Variants in AP3B2 observed in about 807,000 individuals in gnomAD.
The protein encoded by AP3B2 is adaptor related protein complex 3 subunit beta 2.
A neutral mutation model predicts 126.9 loss-of-function variants in AP3B2; 50 were observed. The observed-to-expected ratio is 0.39, with a 90% CI of 0.31 to 0.50. The LOEUF (loss-of-function observed/expected upper bound fraction) is 0.50. Among genes scored for constraint, AP3B2 ranks in the 20% least tolerant of loss-of-function variants. AP3B2 has a pLI of 0.79. For missense variants in AP3B2, 1,177 were observed against 1,426.4 expected, an observed-to-expected ratio of 0.83 and a Z score of 2.82; for synonymous variants, 541 against 565.0, an observed-to-expected ratio of 0.96 and a Z score of 0.60.
Position 82,659,640 on chromosome 15 carries a change from C to G in AP3B2, c.3226G>C (p.Ala1076Pro), listed in dbSNP as rs764429707. 63 of 1,613,796 alleles carry G rather than the reference C, an allele frequency of 3.9e-5. No individual in the cohort carries two copies. The highest frequency in any genetic ancestry group is 5.2e-5 in the Non-Finnish European group (61 of 1,179,878). The stretch of plus-strand genomic sequence containing the variant: ...TTCTCGCTGTTGACAGTCAGCTGGG[C>G]AGCTCCAGCTGGCCGGGCATCCAGG... Reference protein sequence around the residue: ...LTLDARPAGAAQLTVNSEKMV... With the variant: ...LTLDARPAGAPQLTVNSEKMV... Residue 1076 changes from alanine to proline, a missense_variant, in exon 27 of 27, where the codon GCC (alanine) becomes CCC (proline). By Grantham distance (27) the Ala-to-Pro change is conservative. This residue lies in a region of AP3B2 where 587 missense variants were observed against 571.3 expected (regional missense o/e 1.03). Transcript: ENST00000535359.
Position 82,661,938 on chromosome 15 carries a change from G to T in AP3B2, c.2919-16C>A, listed in dbSNP as rs757887986. On this transcript the variant is annotated splice_polypyrimidine_tract_variant and intron_variant, in intron 24 of 26. Coordinates refer to ENST00000535359, the MANE Select transcript of AP3B2 (RefSeq NM_001278512.2). ...GGTCTGGGTGCTGGGAGGGGTGGGA[G>T]GAAACGGAGAAGAATTAAGGCTGTC... 1 of 1,607,762 alleles carries T rather than the reference G, an allele frequency of 6.2e-7. No homozygotes were observed. The highest frequency in any genetic ancestry group is 8.5e-7 in the Non-Finnish European group (1 of 1,174,976).
In AP3B2 at chr15:82,709,765, C is replaced by T. The variant is rs1357498553; in HGVS notation, c.-59G>A. 3.7e-6 allele frequency: 5 copies of T among 1,361,554 alleles called. No homozygotes were observed. The Admixed American group carries it at 1.3e-4, about 36-fold the overall frequency. 84.3% of individuals were successfully genotyped at this position (1,361,554 alleles called of 1,614,324 possible). On this transcript the variant is annotated 5_prime_UTR_variant, in exon 1 of 27. Coordinates refer to ENST00000535359, the MANE Select transcript of AP3B2 (RefSeq NM_001278512.2). Reference sequence around the variant, plus strand: ...TTGCGGGGCCGGAGGCCGGCTGGAGCGGAGGAAGGGAAGGCGGGCCGGTCC... The same window carrying T: ...TTGCGGGGCCGGAGGCCGGCTGGAGTGGAGGAAGGGAAGGCGGGCCGGTCC...
chr15:82,688,404 G>C lies in AP3B2; in HGVS notation c.360+332C>G, dbSNP rs148128981. ...CCACAATTCACACCTTTACACAAAG[G>C]GGGGTGAGGGTTGAGGGGTTCTCCA... On this transcript the variant is annotated intron_variant, in intron 4 of 26. Coordinates refer to ENST00000535359, the MANE Select transcript of AP3B2 (RefSeq NM_001278512.2). 2,291 of 702,186 alleles carry C rather than the reference G, an allele frequency of 3.3e-3. 41 individuals carry two copies. In the East Asian group the frequency reaches 0.037, roughly 11 times the overall value. The allele number at this position is 702,186 out of a possible 1,614,324, so 43.5% of individuals were successfully genotyped here.
chr15:82,683,942 G>C (rs2048385598), intron 4 of AP3B2, among the ~76,000 whole-genome samples: 1 of 152,196 alleles, frequency 6.6e-6, no homozygotes, highest in Non-Finnish European at 1.5e-5. Context: ...TTAAGCGGTA[G>C]GTATCAACAG....
intron 14 of AP3B2, among the ~76,000 whole-genome samples, chr15:82,668,402 T>C (rs2048093722): frequency 6.6e-6 from 1 of 152,214 alleles, no homozygotes; most frequent in Non-Finnish European, 1.5e-5. Context: ...AGACACCATC[T>C]AAATGGCCAG....
chr15:82,676,512 C>G lies in AP3B2; in HGVS notation c.1614G>C (p.Lys538Asn). The G allele has an allele frequency of 6.2e-7, 1 of 1,614,010 alleles. No individual in the cohort carries two copies. The highest frequency in any genetic ancestry group is 8.5e-7 in the Non-Finnish European group (1 of 1,179,900). Reference sequence around the variant, plus strand: ...TGGCTGCCAGGTTGATGACCTGCAGCTTGACAATATCCTCCTCTGCTGTGA... The same window carrying G: ...TGGCTGCCAGGTTGATGACCTGCAGGTTGACAATATCCTCCTCTGCTGTGA... ...KSFTAEEDIV[K>N]LQVINLAAKL... Residue 538 changes from lysine to asparagine, a missense_variant, in exon 14 of 27, where the codon AAG becomes AAC. Lys to Asn is a moderately conservative substitution (Grantham distance 94). This residue lies in a region of AP3B2 where 308 missense variants were observed against 452.4 expected (regional missense o/e 0.68). Coordinates refer to ENST00000535359, the MANE Select transcript of AP3B2 (RefSeq NM_001278512.2).
rs1249065547 is a variant in AP3B2 at position 82,680,961 on chromosome 15, A to G, written c.647T>C (p.Leu216Pro). 1.9e-6 allele frequency: 3 copies of G among 1,613,794 alleles called. No individual in the cohort carries two copies. The highest frequency in any genetic ancestry group is 2.5e-6 in the Non-Finnish European group (3 of 1,179,894). The stretch of plus-strand genomic sequence containing the variant: ...GAGTTTCCGGTAGTTTTTGTGAATC[A>G]GGTCGATGCGCTCCGGGCAGACCTC... ...FEEVCPERID[L>P]IHKNYRKLCN... Residue 216 changes from leucine to proline, a missense_variant, in exon 7 of 27, where the codon CTG becomes CCG. Coordinates refer to ENST00000535359, the MANE Select transcript of AP3B2 (RefSeq NM_001278512.2). This position sits in a 1 kb window ranked among gnomAD's most constrained non-coding sequence, Gnocchi z 6.1.
In AP3B2 at chr15:82,664,387, C is replaced by G; in HGVS notation, c.2241G>C (p.Glu747Asp). The change falls in exon 19 of 27, where the codon GAG (glutamate) becomes GAC (aspartate). Residue 747 changes from glutamate to aspartate, a missense_variant. Physicochemically the swap from Glu to Asp is conservative, Grantham distance 45 (BLOSUM62 2). Coordinates refer to ENST00000535359, the MANE Select transcript of AP3B2 (RefSeq NM_001278512.2). The surrounding 1 kb of genome is among the most constrained non-coding windows in gnomAD (Gnocchi z 4.5). ...SDNEDQDEDE[E>D]KGRGSESEQS... is the part of the protein sequence containing the mutation. ...CTCACCTCTCACTGCCTCTCCCTTT[C>G]TCCTCATCCTCATCCTGGTCTTCAT... 1 of 1,613,976 alleles carries G rather than the reference C, an allele frequency of 6.2e-7. No homozygotes were observed. Among genetic ancestry groups the G allele is most frequent in the Non-Finnish European group, 8.5e-7 (1 of 1,179,876 alleles).
rs781177546 is a variant in AP3B2 at position 82,680,799 on chromosome 15, A to G, written c.771+38T>C. 1.4e-5 allele frequency: 22 copies of G among 1,609,510 alleles called. No individual in the cohort carries two copies. In the Admixed American group the frequency reaches 2.0e-4, roughly 15 times the overall value. On this transcript the variant is annotated intron_variant, in intron 7 of 26. Transcript: ENST00000535359. This position sits in a 1 kb window ranked among gnomAD's most constrained non-coding sequence, Gnocchi z 6.1. ...GGGTCTGTGGGCGCCTCCCCGGGAC[A>G]CACTTCGGCCCGCTCTGCCTGGGCT...
At chr15:82,693,347 A>G (rs1200739446) in intron 1 of AP3B2, among the ~76,000 whole-genome samples, 1 of 151,784 alleles carries the variant, frequency 6.6e-6, no homozygotes, top group Non-Finnish European at 1.5e-5. Context: ...CCTGGGTTCA[A>G]GTGATTCTCC....
In AP3B2 at chr15:82,666,827, T is replaced by C. The variant is rs1596170336; in HGVS notation, c.1772A>G (p.Gln591Arg). ...FTRQLIVPSE[Q>R]GGALSRHAKK... is the part of the protein sequence containing the mutation. ...GGCATGGCGGCTGAGGGCCCCACCC[T>C]GCTCGGAAGGGACGATGAGCTGCCG... Residue 591 changes from glutamine to arginine, a missense_variant, in exon 15 of 27, where the codon CAG becomes CGG. By Grantham distance (43) the Gln-to-Arg change is conservative (BLOSUM62 1). Transcript: ENST00000535359. The C allele has an allele frequency of 6.2e-7, 1 of 1,614,020 alleles. No individual in the cohort carries two copies. The highest frequency in any genetic ancestry group is 1.6e-4 in the Middle Eastern group (1 of 6,062).
chr15:82,668,036 C>T (rs1567258793), intron 14 of AP3B2, among the ~76,000 whole-genome samples: 2 of 152,202 alleles, frequency 1.3e-5, no homozygotes, highest in Non-Finnish European at 2.9e-5. Context: ...TTTATGGTGA[C>T]ATACTGTTAC....
intron 23 of AP3B2, chr15:82,662,482 C>T (rs1596165847): frequency 3.0e-6 from 2 of 659,776 alleles, no homozygotes; most frequent in South Asian, 3.9e-5. Context: ...CAACCAAGGC[C>T]CAAATCTGCT....
intron 12 of AP3B2, 72 bp downstream of exon 12, chr15:82,677,599 T>C: frequency 6.8e-7 from 1 of 1,473,754 alleles, no homozygotes; most frequent in Non-Finnish European, 9.1e-7. Flanking sequence ...GGATATCCAG[T>C]GGCCAGCAGA....
At position 82,709,785 on chromosome 15, in the gene AP3B2, C is replaced by T. The variant is rs1438059264; in HGVS notation, c.-79G>A. 6 of 1,193,148 alleles carry T rather than the reference C, an allele frequency of 5.0e-6. No homozygotes were observed. The South Asian group carries it at 8.4e-5, about 17-fold the overall frequency. The allele number at this position is 1,193,148 out of a possible 1,614,324, so 73.9% of individuals were successfully genotyped here. On this transcript the variant is annotated 5_prime_UTR_variant, in exon 1 of 27. Coordinates refer to ENST00000535359, the MANE Select transcript of AP3B2 (RefSeq NM_001278512.2). ...TGGAGCGGAGGAAGGGAAGGCGGGCCGGTCCGGTCCGGGCTGGCGAAGGCG... is the reference window on the plus strand; with the variant it reads ...TGGAGCGGAGGAAGGGAAGGCGGGCTGGTCCGGTCCGGGCTGGCGAAGGCG...
Position 82,662,921 on chromosome 15 carries a change from A to G in AP3B2, c.2606T>C (p.Leu869Pro). 6.2e-7 allele frequency: 1 copy of G among 1,611,944 alleles called. No individual in the cohort carries two copies. The highest frequency in any genetic ancestry group is 1.1e-5 in the South Asian group (1 of 90,748). The change falls in exon 23 of 27, where the codon CTT (leucine) becomes CCT (proline). Residue 869 changes from leucine to proline, a missense_variant and splice_region_variant. Leu to Pro is a moderately conservative substitution (Grantham distance 98). Coordinates refer to ENST00000535359, the MANE Select transcript of AP3B2 (RefSeq NM_001278512.2). ...CCCAACACCCGATACTGGACTCAGA[A>G]GCTAGAGTGGAGGGGTAGGGAAGGA... is the stretch of plus-strand genomic sequence containing the variant. ...TLTDSTLVPS[L>P]LSPVSGVGRQ...
chr15:82,703,905 C>G (rs2048758193), intron 1 of AP3B2, among the ~76,000 whole-genome samples: 1 of 152,134 alleles, frequency 6.6e-6, no homozygotes, highest in African/African-American at 2.4e-5. Context: ...CACTCCCCAC[C>G]AGGCTGAATC....
At chr15:82,678,800 TCTC>T (rs2048284194) in intron 10 of AP3B2, among the ~76,000 whole-genome samples, 2 of 152,184 alleles carry the variant, frequency 1.3e-5, no homozygotes, top group African/African-American at 4.8e-5. Context: ...CTGCTTAATG[TCTC>T]CTCCTCCCCA....
At chr15:82,683,055 T>TTG (rs1334948346) in intron 4 of AP3B2, among the ~76,000 whole-genome samples, 2 of 75,900 alleles carry the variant, frequency 2.6e-5, no homozygotes, top group African/African-American at 9.4e-5. Flanking sequence ...GAGTTTTTTT[T>TTG]TTTTTTTTTT....
Sources: allele counts gnomAD v4.1 joint callset (sites outside exome capture counted in the v4.1 genomes callset), GRCh38; gene constraint gnomAD v4.1.1; regional missense constraint gnomAD v4.1.1; non-coding constraint Gnocchi (gnomAD v3.1); transcripts MANE v1.5; gene names NCBI Gene and HGNC (gene_info 2026-07-23, HGNC 2026-07-21).